Variants in TEAD1 observed in about 807,000 individuals in gnomAD.
The protein encoded by TEAD1 is transcriptional enhancer factor TEF-1.
A neutral mutation model predicts 54.9 loss-of-function variants in TEAD1; 9 were observed. That is an observed-to-expected ratio of 0.16 (90% CI 0.10 to 0.29). The LOEUF (loss-of-function observed/expected upper bound fraction) is 0.29, where lower values mean the gene tolerates loss of function less well. Among genes scored for constraint, TEAD1 ranks in the 10% least tolerant of loss-of-function variants. The pLI is 1.00. For missense variants in TEAD1, 387 were observed against 535.9 expected (o/e 0.72, Z 2.74); for synonymous variants, 200 against 187.8 (o/e 1.07, Z -0.53).
intron 10 of TEAD1, chr11:12,904,837 A>G (rs531300768): frequency 8.4e-6 from 3 of 356,986 alleles, no homozygotes; most frequent in South Asian, 2.5e-5. Flanking sequence ...AGTATCGTAC[A>G]TGATCACCAA....
intron 2 of TEAD1, among the ~76,000 whole-genome samples, chr11:12,712,128 T>A (rs768782573): frequency 1.6e-4 from 24 of 152,214 alleles, no homozygotes; most frequent in Non-Finnish European, 3.2e-4. Flanking sequence ...GCAGTCTTTT[T>A]GAAGTATTTC....
At chr11:12,876,138 G>T (rs1434209257) in intron 5 of TEAD1, among the ~76,000 whole-genome samples, 1 of 152,084 alleles carries the variant, frequency 6.6e-6, no homozygotes, top group Admixed American at 6.5e-5. Context: ...TAGGTACCTG[G>T]TAGAATGCTG....
rs1430785159 is a variant in TEAD1, at chr11:12,864,824, C to T, written c.268-14C>T. The stretch of plus-strand genomic sequence containing the variant: ...GGCTTTTCCTTTGTTTTCCTCCCTT[C>T]CCCTACCCTGCAGGTGTCTAGTCAC... On this transcript the variant is annotated splice_polypyrimidine_tract_variant and intron_variant, in intron 4 of 12. Coordinates refer to ENST00000527636, the MANE Select transcript of TEAD1 (RefSeq NM_021961.6). The T allele has an allele frequency of 6.2e-7, 1 of 1,613,988 alleles. No individual in the cohort carries two copies. The highest frequency in any genetic ancestry group is 1.7e-5 in the Admixed American group (1 of 60,008).
chr11:12,855,947 T>TA (rs34579028), intron 3 of TEAD1, among the ~76,000 whole-genome samples: 43,727 of 139,156 alleles, frequency 0.31, 6,876 homozygotes, highest in South Asian at 0.42. Context: ...GACCTTGTCT[T>TA]AAAAAAAAAA....
intron 3 of TEAD1, among the ~76,000 whole-genome samples, chr11:12,783,972 A>G (rs1945622020): frequency 6.6e-6 from 1 of 152,254 alleles, no homozygotes; most frequent in East Asian, 1.9e-4. Context: ...TAGGATATTC[A>G]ACAAGTGTTT....
chr11:12,850,039 T>C (rs2134049102), intron 3 of TEAD1, among the ~76,000 whole-genome samples: 1 of 152,336 alleles, frequency 6.6e-6, no homozygotes, highest in Non-Finnish European at 1.5e-5. Context: ...TGCCATGTAG[T>C]ACGGTGTCCT....
At chr11:12,767,819 G>A (rs1412007141) in intron 3 of TEAD1, among the ~76,000 whole-genome samples, 1 of 152,132 alleles carries the variant, frequency 6.6e-6, no homozygotes, top group Non-Finnish European at 1.5e-5. Flanking sequence ...CTCAGTCCCT[G>A]GGGCTCTCTC....
At chr11:12,896,771 A>T (rs1485058702) in intron 9 of TEAD1, among the ~76,000 whole-genome samples, 1 of 152,238 alleles carries the variant, frequency 6.6e-6, no homozygotes, top group Non-Finnish European at 1.5e-5. Flanking sequence ...CTAAGTATCG[A>T]GGTAATAAGC....
intron 3 of TEAD1, among the ~76,000 whole-genome samples, chr11:12,811,097 T>C (rs909564509): frequency 2.6e-5 from 4 of 152,220 alleles, no homozygotes; most frequent in Non-Finnish European, 4.4e-5. Context: ...GATATAAGCC[T>C]AAAACAGCTA....
Position 12,753,272 on chromosome 11 carries a change from A to G in TEAD1, c.-54-10907A>G, listed in dbSNP as rs577515223. On this transcript the variant is annotated intron_variant, in intron 2 of 12. Transcript: ENST00000527636. ...GAACATAGGCATGCATTTCTTTAGC[A>G]TCTCTACCTGGGATTTGGAATTGCT... is the stretch of plus-strand genomic sequence containing the variant. 4.6e-5 allele frequency among the ~76,000 whole-genome samples: 7 copies of G among 152,330 alleles called. No homozygotes were observed. In the East Asian group the frequency reaches 1.4e-3, roughly 29 times the overall value.
At chr11:12,860,434 C>A (rs544393062) in intron 3 of TEAD1, among the ~76,000 whole-genome samples, 1 of 152,254 alleles carries the variant, frequency 6.6e-6, no homozygotes, top group South Asian at 2.1e-4. Flanking sequence ...CTGCACAGTC[C>A]CAGCACTGGC....
At chr11:12,766,438 G>A (rs1220324093) in intron 3 of TEAD1, among the ~76,000 whole-genome samples, 3 of 152,248 alleles carry the variant, frequency 2.0e-5, no homozygotes, top group Non-Finnish European at 4.4e-5. Context: ...GATGTGAGTA[G>A]CTGTATCAAC....
chr11:12,835,871 T>C (rs1428892402), intron 3 of TEAD1, among the ~76,000 whole-genome samples: 1 of 152,102 alleles, frequency 6.6e-6, no homozygotes, highest in Non-Finnish European at 1.5e-5. Context: ...AGTCAACGGG[T>C]ACAAAGTTTC....
At chr11:12,882,692 TGTCCTGTCATTCTTGGCTTG>T (rs1947997347) in intron 8 of TEAD1, among the ~76,000 whole-genome samples, 1 of 152,242 alleles carries the variant, frequency 6.6e-6, no homozygotes. Context: ...CACTTCTCAC[TGTCCTGTCATTCTTGGCTTG>T]GTCCCCAAGT....
rs564184643 is a variant in TEAD1 at position 12,902,139 on chromosome 11, CGTG to C, written c.873+29_873+31del. The C allele has an allele frequency of 1.4e-4, 223 of 1,614,132 alleles. 2 individuals carry two copies. The African/African-American group carries it at 2.5e-3, about 18-fold the overall frequency. ...GTGAGTAAGACATTGCTGTGATTTCCGTGGTTTTTGTCTGAATGGTCACATCTC... is the reference window on the plus strand; with the variant it reads ...GTGAGTAAGACATTGCTGTGATTTCCGTTTTTGTCTGAATGGTCACATCTC... On this transcript the variant is annotated intron_variant, in intron 10 of 12. Coordinates refer to ENST00000527636, the MANE Select transcript of TEAD1 (RefSeq NM_021961.6).
At chr11:12,733,309 G>A (rs1262051956) in intron 2 of TEAD1, among the ~76,000 whole-genome samples, 1 of 152,192 alleles carries the variant, frequency 6.6e-6, no homozygotes, top group Non-Finnish European at 1.5e-5. Flanking sequence ...TTCAAGAGCA[G>A]GAGCCTGAGT....
intron 3 of TEAD1, among the ~76,000 whole-genome samples, chr11:12,787,043 A>T (rs1945692233): frequency 6.6e-6 from 1 of 152,160 alleles, no homozygotes; most frequent in African/African-American, 2.4e-5. Flanking sequence ...GATCTTGCAA[A>T]GCCTCATAGC....
intron 2 of TEAD1, among the ~76,000 whole-genome samples, chr11:12,687,688 C>G (rs1943362419): frequency 1.3e-5 from 2 of 151,868 alleles, no homozygotes; most frequent in African/African-American, 4.8e-5. Flanking sequence ...TCTTGGTGGC[C>G]CATTTTACTC....
chr11:12,676,574 T>G (rs1943096769), intron 2 of TEAD1, among the ~76,000 whole-genome samples: 1 of 152,236 alleles, frequency 6.6e-6, no homozygotes, highest in African/African-American at 2.4e-5. Flanking sequence ...GGACTAGACT[T>G]AAATCCAACT....
Sources: gnomAD v4.1 joint callset for allele counts (sites outside exome capture counted in the v4.1 genomes callset) on GRCh38, gnomAD v4.1.1 for gene constraint, MANE v1.5 for transcripts, NCBI Gene and HGNC (gene_info 2026-07-23, HGNC 2026-07-21) for gene names.